The following RBFOX1 variants were observed in gnomAD, a reference collection of about 807,000 sequenced individuals.
RBFOX1 encodes RNA binding protein fox-1 homolog 1.
A neutral mutation model predicts 57.7 loss-of-function variants in RBFOX1; 8 were observed. The observed-to-expected ratio is 0.14, with a 90% CI of 0.08 to 0.25. RBFOX1 has a LOEUF of 0.25. RBFOX1 is among the 10% of genes least tolerant of loss of function. The pLI is 1.00. For synonymous variants in RBFOX1, 326 were observed against 222.4 expected (o/e 1.47, Z -4.15); for missense variants, 611 against 548.5 (o/e 1.11, Z -1.14).
chr16:5,741,540 G>T (rs9989428), intron 3 of RBFOX1, among the ~76,000 whole-genome samples: 2,904 of 152,034 alleles, frequency 0.019, 96 homozygotes, highest in African/African-American at 0.065. Flanking sequence ...ATATCAAGTT[G>T]GTATGATTTT....
At chr16:6,149,882 A>G (rs2096785613) in intron 1 of RBFOX1, among the ~76,000 whole-genome samples, 1 of 152,218 alleles carries the variant, frequency 6.6e-6, no homozygotes, top group Non-Finnish European at 1.5e-5. Context: ...CTAAATTGCT[A>G]TACAAATAAG....
chr16:7,573,898 A>G (rs183393273), intron 5 of RBFOX1, among the ~76,000 whole-genome samples: 2 of 152,084 alleles, frequency 1.3e-5, no homozygotes, highest in Admixed American at 6.5e-5. Flanking sequence ...CTAAGCTTTG[A>G]TGTGCTACAG....
intron 1 of RBFOX1, among the ~76,000 whole-genome samples, chr16:5,409,954 A>G (rs1206258876): frequency 6.6e-6 from 1 of 151,722 alleles, no homozygotes; most frequent in African/African-American, 2.4e-5. Context: ...AAGGTGAGGT[A>G]GGAGAATCAT....
intron 2 of RBFOX1, among the ~76,000 whole-genome samples, chr16:6,576,371 C>G (rs1315458625): frequency 6.6e-6 from 1 of 152,146 alleles, no homozygotes; most frequent in Non-Finnish European, 1.5e-5. Context: ...CCGGAGAAAA[C>G]CTACGCAGAC....
At chr16:7,464,620 A>G (rs1019052469) in intron 4 of RBFOX1, among the ~76,000 whole-genome samples, 2 of 150,800 alleles carry the variant, frequency 1.3e-5, no homozygotes, top group East Asian at 1.9e-4. Context: ...GGCAATATCT[A>G]CAATGTCCTC....
chr16:7,364,588 A>G (rs1016560482), intron 4 of RBFOX1, among the ~76,000 whole-genome samples: 6 of 150,490 alleles, frequency 4.0e-5, no homozygotes, highest in Non-Finnish European at 1.5e-5. Context: ...AAAAAAAAAA[A>G]ACAAAAAAAA....
chr16:7,113,919 G>C (rs548891541), intron 4 of RBFOX1, among the ~76,000 whole-genome samples: 5 of 151,948 alleles, frequency 3.3e-5, no homozygotes, highest in Non-Finnish European at 7.4e-5. Flanking sequence ...TCTTTTTATA[G>C]GATATATTCC....
In RBFOX1 at chr16:7,103,003, A is replaced by G. The variant is rs145737531; in HGVS notation, c.27+50905A>G. Among the ~76,000 whole-genome samples, 1,172 of 151,952 alleles carry G rather than the reference A, an allele frequency of 7.7e-3. 12 individuals are homozygous for G. The highest frequency in any genetic ancestry group is 0.012 in the Non-Finnish European group (847 of 67,986). On this transcript the variant is annotated intron_variant, in intron 4 of 15. Coordinates refer to ENST00000550418, the MANE Select transcript of RBFOX1 (RefSeq NM_018723.4). ...TGTGTGTACAGACACACACACACACATTTAGACACACACACGTCTATTTGT... is the reference window on the plus strand; with the variant it reads ...TGTGTGTACAGACACACACACACACGTTTAGACACACACACGTCTATTTGT...
intron 4 of RBFOX1, among the ~76,000 whole-genome samples, chr16:7,297,268 A>T (rs1246923196): frequency 6.6e-6 from 1 of 152,034 alleles, no homozygotes; most frequent in East Asian, 1.9e-4. Flanking sequence ...AAACTACCCC[A>T]CCCTGTGAGA....
At chr16:7,119,362 C>A (rs968389482) in intron 4 of RBFOX1, among the ~76,000 whole-genome samples, 1 of 152,048 alleles carries the variant, frequency 6.6e-6, no homozygotes, top group African/African-American at 2.4e-5. Context: ...TCTGTGGTGG[C>A]CATGATGCCA....
chr16:7,624,920 A>C (rs1421256328), intron 10 of RBFOX1, among the ~76,000 whole-genome samples: 2 of 152,154 alleles, frequency 1.3e-5, no homozygotes, highest in Non-Finnish European at 2.9e-5. Context: ...GGTTTTAAGG[A>C]GCGAAAAGTG....
chr16:7,493,515 A>G (rs74708237), intron 4 of RBFOX1, among the ~76,000 whole-genome samples: 1,769 of 152,330 alleles, frequency 0.012, 11 homozygotes, highest in Non-Finnish European at 0.018. Flanking sequence ...AGATTATTCT[A>G]TAGTATCCAG....
intron 1 of RBFOX1, among the ~76,000 whole-genome samples, chr16:5,424,498 C>A (rs1045443744): frequency 1.3e-5 from 2 of 150,474 alleles, no homozygotes; most frequent in South Asian, 2.1e-4. Flanking sequence ...CCAGCACTTA[C>A]GAGGATTCTA....
intron 2 of RBFOX1, among the ~76,000 whole-genome samples, chr16:6,528,174 T>G (rs1372710412): frequency 6.6e-6 from 1 of 152,144 alleles, no homozygotes; most frequent in African/African-American, 2.4e-5. Context: ...CTTCGGCACT[T>G]TTATCCTCCC....
At chr16:5,583,427 G>A (rs750730299) in intron 2 of RBFOX1, among the ~76,000 whole-genome samples, 9 of 152,138 alleles carry the variant, frequency 5.9e-5, no homozygotes, top group Admixed American at 3.3e-4. Context: ...TTCAAACTGC[G>A]TTCAAATAAG....
intron 11 of RBFOX1, among the ~76,000 whole-genome samples, chr16:7,653,114 T>C (rs1361600505): frequency 2.0e-5 from 3 of 152,152 alleles, no homozygotes; most frequent in African/African-American, 2.4e-5. Context: ...CATATACACA[T>C]ATGTGTATTT....
rs111345193 is a variant in RBFOX1, at chr16:5,911,447, A to T, written c.351+44112A>T. 2.1e-3 allele frequency among the ~76,000 whole-genome samples: 312 copies of T among 152,194 alleles called. 1 individual carries two copies. Among genetic ancestry groups the T allele is most frequent in the African/African-American group, 7.1e-3 (293 of 41,530 alleles). On this transcript the variant is annotated intron_variant, in intron 4 of 19. Transcript: ENST00000641259. Reference sequence around the variant, plus strand: ...CCTGGGGGCACCATCCTAGCATTTCACGCTTCATCCCCACAGTATTGAGTA... The same window carrying T: ...CCTGGGGGCACCATCCTAGCATTTCTCGCTTCATCCCCACAGTATTGAGTA...
chr16:6,840,848 T>C (rs9921226), intron 3 of RBFOX1, among the ~76,000 whole-genome samples: 76,571 of 147,612 alleles, frequency 0.52, 21,376 homozygotes, highest in East Asian at 0.87. Flanking sequence ...GATCGTCCCA[T>C]TGTACTCTAG....
At chr16:6,724,207 CA>C (rs1568360902) in intron 3 of RBFOX1, among the ~76,000 whole-genome samples, 28 of 141,532 alleles carry the variant, frequency 2.0e-4, no homozygotes, top group African/African-American at 5.4e-4. Flanking sequence ...AGGCATCTTC[CA>C]TTTTTTTTTT....
Sources: allele counts gnomAD v4.1 joint callset (sites outside exome capture counted in the v4.1 genomes callset), GRCh38; gene constraint gnomAD v4.1.1; transcripts MANE v1.5; gene names NCBI Gene and HGNC (gene_info 2026-07-23, HGNC 2026-07-21).